Variants in HDAC9 observed in about 807,000 individuals in gnomAD.
HDAC9 encodes the protein MEF-2 interacting transcription repressor (MITR) protein.
A neutral mutation model predicts 139.4 loss-of-function variants in HDAC9; 41 were observed. The observed-to-expected ratio is 0.29, with a 90% CI of 0.23 to 0.38. The LOEUF is 0.38. Ranked by LOEUF, HDAC9 falls within the 10% of genes least tolerant of loss-of-function variation. The pLI is 1.00. For synonymous variants in HDAC9, 517 were observed against 476.2 expected (o/e 1.09, Z -1.12); for missense variants, 1,147 against 1,297.0 (o/e 0.88, Z 1.78).
At chr7:18,644,454 A>G (rs549427387) in intron 8 of HDAC9, among the ~76,000 whole-genome samples, 2 of 152,296 alleles carry the variant, frequency 1.3e-5, no homozygotes, top group East Asian at 3.9e-4. Flanking sequence ...TTTGCAAAAA[A>G]TGAACATAGA....
chr7:18,202,026 G>C (rs1791169389), intron 2 of HDAC9, among the ~76,000 whole-genome samples: 1 of 152,168 alleles, frequency 6.6e-6, no homozygotes. Context: ...TTTAAGAAGA[G>C]AAAGTTGGGA....
At chr7:18,849,917 G>A (rs1797160526) in intron 21 of HDAC9, among the ~76,000 whole-genome samples, 1 of 152,012 alleles carries the variant, frequency 6.6e-6, no homozygotes, top group Non-Finnish European at 1.5e-5. Flanking sequence ...ATGTACAGAT[G>A]TCCTGAACTT....
chr7:18,307,122 TG>T (rs1798971413), intron 1 of HDAC9, among the ~76,000 whole-genome samples: 1 of 151,502 alleles, frequency 6.6e-6, no homozygotes, highest in African/African-American at 2.4e-5. Context: ...TGTGTGTGTG[TG>T]TGTGTGTGTG....
intron 1 of HDAC9, among the ~76,000 whole-genome samples, chr7:18,443,507 TAA>T (rs1791984869): frequency 6.6e-6 from 1 of 152,158 alleles, no homozygotes; most frequent in African/African-American, 2.4e-5. Context: ...GAATAGTTTT[TAA>T]AAAGTCTTGT....
chr7:18,811,888 C>T (rs1261646288), intron 17 of HDAC9, among the ~76,000 whole-genome samples: 1 of 151,028 alleles, frequency 6.6e-6, no homozygotes, highest in African/African-American at 2.4e-5. Context: ...GAGAGAGAGA[C>T]AAAATATGTA....
At chr7:18,751,218 A>G (rs1382229173) in intron 14 of HDAC9, among the ~76,000 whole-genome samples, 1 of 152,154 alleles carries the variant, frequency 6.6e-6, no homozygotes, top group African/African-American at 2.4e-5. Flanking sequence ...CGTAATATCA[A>G]ACACAAGTTG....
Position 18,414,196 on chromosome 7 carries a change from A to G in HDAC9, c.-41-82066A>G, listed in dbSNP as rs73682177. Among the ~76,000 whole-genome samples, 871 of 152,300 alleles carry G rather than the reference A, an allele frequency of 5.7e-3. 9 individuals are homozygous for G. The highest frequency in any genetic ancestry group is 0.02 in the African/African-American group (837 of 41,578). ...TGAAAATTTGAAAAATATTTGAGAT[A>G]AGCAGAACTTTCAGATTTTTTTTTC... On this transcript the variant is annotated intron_variant, in intron 1 of 3. Transcript: ENST00000413509.
intron 6 of HDAC9, among the ~76,000 whole-genome samples, chr7:18,619,356 G>T (rs1839582563): frequency 6.6e-6 from 1 of 152,124 alleles, no homozygotes; most frequent in South Asian, 2.1e-4. Flanking sequence ...ATGCTTGGAT[G>T]TATACAGGCA....
intron 11 of HDAC9, among the ~76,000 whole-genome samples, chr7:18,664,504 A>G (rs940814255): frequency 6.6e-6 from 1 of 152,070 alleles, no homozygotes; most frequent in African/African-American, 2.4e-5. Context: ...ATCTTTCGGC[A>G]TGTTCCTCTG....
In HDAC9 at chr7:18,666,368, A is replaced by C; in HGVS notation, c.1623A>C (p.Thr541=). 2.5e-6 allele frequency: 4 copies of C among 1,613,364 alleles called. No individual in the cohort carries two copies. Among genetic ancestry groups the C allele is most frequent in the Non-Finnish European group, 3.4e-6 (4 of 1,179,608 alleles). The change falls in exon 12 of 26, where the codon ACA becomes ACC. Residue 541 remains threonine, a synonymous_variant. Coordinates refer to ENST00000686413, the MANE Select transcript of HDAC9 (RefSeq NM_178425.4). ...ACAGCAGTGCTTGTGTGGATGACAC[A>C]CTGGGACAAGTTGGGGCTGTGAAGG... ...RSDSSACVDD[T]LGQVGAVKVK...
intron 22 of HDAC9, among the ~76,000 whole-genome samples, chr7:18,891,735 G>A (rs1244768106): frequency 6.6e-6 from 1 of 152,074 alleles, no homozygotes; most frequent in Admixed American, 6.6e-5. Context: ...AGGTTTGGAA[G>A]TTTCATCAAC....
intron 1 of HDAC9, among the ~76,000 whole-genome samples, chr7:18,357,062 C>T (rs1375263491): frequency 5.3e-5 from 8 of 152,056 alleles, no homozygotes; most frequent in Non-Finnish European, 7.4e-5. Flanking sequence ...ATGGCATTTT[C>T]CCTATGATCA....
At chr7:18,647,408 TC>T (rs1787779544) in intron 9 of HDAC9, among the ~76,000 whole-genome samples, 1 of 152,134 alleles carries the variant, frequency 6.6e-6, no homozygotes, top group Non-Finnish European at 1.5e-5. Flanking sequence ...ACACTGAAAA[TC>T]TATTCTCTGA....
At chr7:18,856,703 G>A (rs1258353245) in intron 21 of HDAC9, among the ~76,000 whole-genome samples, 6 of 152,124 alleles carry the variant, frequency 3.9e-5, no homozygotes, top group African/African-American at 1.4e-4. Flanking sequence ...AAACATTTGT[G>A]TGCATTTATC....
chr7:18,331,065 TG>T (rs1196829109), intron 1 of HDAC9, among the ~76,000 whole-genome samples: 5 of 151,728 alleles, frequency 3.3e-5, no homozygotes, highest in African/African-American at 1.2e-4. Context: ...GATGGGAAAC[TG>T]ATCATAGGTT....
In HDAC9 at chr7:18,329,525, G is replaced by T. The variant is rs150177238; in HGVS notation, c.-42+39010G>T. Among the ~76,000 whole-genome samples the T allele has an allele frequency of 5.4e-4, 79 of 147,372 alleles. 1 individual carries two copies. The highest frequency in any genetic ancestry group is 1.0e-3 in the Non-Finnish European group (68 of 66,798). ...CTTAAGAGTGAATGGAATAATTGTCGATTAGTAAACAAAAGAAATGTCATC... is the reference window on the plus strand; with the variant it reads ...CTTAAGAGTGAATGGAATAATTGTCTATTAGTAAACAAAAGAAATGTCATC... On this transcript the variant is annotated intron_variant, in intron 1 of 3. Transcript: ENST00000413509.
At chr7:18,334,233 G>T (rs968126460) in intron 1 of HDAC9, among the ~76,000 whole-genome samples, 3 of 151,388 alleles carry the variant, frequency 2.0e-5, no homozygotes, top group South Asian at 2.1e-4. Flanking sequence ...AAAATCTACA[G>T]ACCAATAATT....
At chr7:18,348,403 T>C (rs553554535) in intron 1 of HDAC9, among the ~76,000 whole-genome samples, 3 of 152,286 alleles carry the variant, frequency 2.0e-5, no homozygotes, top group Middle Eastern at 3.4e-3. Context: ...TGAATCTCAG[T>C]TTCTCATTTA....
chr7:18,702,549 A>C (rs1290257726), intron 12 of HDAC9, among the ~76,000 whole-genome samples: 1 of 152,202 alleles, frequency 6.6e-6, no homozygotes, highest in Admixed American at 6.5e-5. Context: ...CAGAATCAAA[A>C]ACACTTTGGG....
Sources: gnomAD v4.1 joint callset for allele counts (sites outside exome capture counted in the v4.1 genomes callset) on GRCh38, gnomAD v4.1.1 for gene constraint, MANE v1.5 for transcripts, NCBI Gene and HGNC (gene_info 2026-07-23, HGNC 2026-07-21) for gene names.